The following EPHA6 variants were observed in gnomAD, a reference collection of about 807,000 sequenced individuals.
EPHA6 encodes ephrin type-A receptor 6.
A neutral mutation model predicts 112.0 loss-of-function variants in EPHA6; 50 were observed. That is an observed-to-expected ratio of 0.45 (90% CI 0.36 to 0.56). The LOEUF (loss-of-function observed/expected upper bound fraction) is 0.56, where lower values mean the gene tolerates loss of function less well. Among genes scored for constraint, EPHA6 ranks in the 20% least tolerant of loss-of-function variants. The probability of loss-of-function intolerance (pLI) is 0.00; values close to 1 mark genes in which losing one functional copy is unlikely to be tolerated. For missense variants in EPHA6, 1,280 were observed against 1,417.4 expected, an observed-to-expected ratio of 0.90 and a Z score of 1.56; for synonymous variants, 529 against 490.7, an observed-to-expected ratio of 1.08 and a Z score of -1.03.
intron 5 of EPHA6, among the ~76,000 whole-genome samples, chr3:97,322,731 A>G (rs2082179950): frequency 6.6e-6 from 1 of 152,042 alleles, no homozygotes; most frequent in African/African-American, 2.4e-5. Flanking sequence ...AAGTCACTGT[A>G]CTAAAATGCA....
At chr3:97,609,582 G>T (rs932143130) in intron 12 of EPHA6, among the ~76,000 whole-genome samples, 20 of 151,320 alleles carry the variant, frequency 1.3e-4, no homozygotes, top group African/African-American at 4.8e-4. Flanking sequence ...TGATAAATTG[G>T]GAGCTTTATT....
intron 3 of EPHA6, among the ~76,000 whole-genome samples, chr3:97,090,807 A>G (rs934532443): frequency 1.3e-5 from 2 of 152,098 alleles, no homozygotes; most frequent in Non-Finnish European, 2.9e-5. Flanking sequence ...GATTTCTAGA[A>G]ACTTAGAGAG....
At chr3:97,462,562 C>G (rs1448964415) in intron 7 of EPHA6, among the ~76,000 whole-genome samples, 2 of 152,032 alleles carry the variant, frequency 1.3e-5, no homozygotes, top group African/African-American at 4.8e-5. Context: ...CATGAATGTC[C>G]TTGCACAGAA....
intron 16 of EPHA6, 55 bp from the exon 17 acceptor site, chr3:97,747,368 C>T (rs374452906): frequency 7.2e-7 from 1 of 1,381,936 alleles, no homozygotes. Flanking sequence ...GTGATTTGTG[C>T]TTTATTTGGC....
chr3:97,323,973 A>G lies in EPHA6; in HGVS notation c.1606+79686A>G, dbSNP rs532355628. On this transcript the variant is annotated intron_variant, in intron 5 of 17. Transcript: ENST00000389672. ...TGTACTTAGTCTATGAATTGAAGCA[A>G]TTTTTCTCTTTAAAAAAAAAATGCA... 9.9e-5 allele frequency among the ~76,000 whole-genome samples: 15 copies of G among 151,918 alleles called. No homozygotes were observed. The South Asian group carries it at 3.1e-3, about 32-fold the overall frequency.
intron 12 of EPHA6, among the ~76,000 whole-genome samples, chr3:97,595,706 C>T (rs904669686): frequency 1.4e-5 from 2 of 147,940 alleles, no homozygotes; most frequent in African/African-American, 5.0e-5. Context: ...GGAGAGGAAG[C>T]GAAGGAGAAA....
At chr3:97,628,783 G>A (rs2093879309) in intron 13 of EPHA6, among the ~76,000 whole-genome samples, 1 of 151,890 alleles carries the variant, frequency 6.6e-6, no homozygotes, top group African/African-American at 2.4e-5. Flanking sequence ...TTAATAATGA[G>A]AGCTGTATTT....
At chr3:97,261,539 T>C (rs2079503472) in intron 5 of EPHA6, among the ~76,000 whole-genome samples, 1 of 152,208 alleles carries the variant, frequency 6.6e-6, no homozygotes, top group African/African-American at 2.4e-5. Flanking sequence ...TTGTCTCTCA[T>C]TTGTTTTTCT....
chr3:96,859,300 C>G (rs1037645747), intron 1 of EPHA6, among the ~76,000 whole-genome samples: 4 of 151,256 alleles, frequency 2.6e-5, no homozygotes, highest in African/African-American at 9.8e-5. Flanking sequence ...TATGGCAGCA[C>G]AATTAAAATT....
In EPHA6 at chr3:96,872,139, T is replaced by C. The variant is rs986552579; in HGVS notation, c.450+5250T>C. ...GAACAGCCTCCTGCACAAAATCTTA[T>C]GTGATAGCTGAGCATATTTGAAGAT... On this transcript the variant is annotated intron_variant, in intron 2 of 17. Transcript: ENST00000389672. 2.6e-5 allele frequency among the ~76,000 whole-genome samples: 4 copies of C among 152,134 alleles called. No homozygotes were observed. The East Asian group carries it at 5.8e-4, about 22-fold the overall frequency.
At chr3:97,406,098 C>T (rs984557199) in intron 6 of EPHA6, among the ~76,000 whole-genome samples, 2 of 152,126 alleles carry the variant, frequency 1.3e-5, no homozygotes, top group African/African-American at 4.8e-5. Context: ...TGGTATATTA[C>T]AATGAGAAGG....
intron 14 of EPHA6, among the ~76,000 whole-genome samples, chr3:97,647,629 T>C (rs1350370418): frequency 6.6e-6 from 1 of 152,142 alleles, no homozygotes; most frequent in East Asian, 1.9e-4. Context: ...CATATATAAT[T>C]AGTGTTATGT....
chr3:97,598,131 A>G (rs1211185182), intron 12 of EPHA6, among the ~76,000 whole-genome samples: 1 of 151,482 alleles, frequency 6.6e-6, no homozygotes, highest in East Asian at 1.9e-4. Context: ...ACCCATTTTT[A>G]TTTTTTATTT....
intron 4 of EPHA6, among the ~76,000 whole-genome samples, chr3:97,228,529 G>T (rs2078427184): frequency 6.7e-6 from 1 of 148,932 alleles, no homozygotes; most frequent in Non-Finnish European, 1.5e-5. Flanking sequence ...TATGGTGTGT[G>T]TGTGTGTGTG....
chr3:97,498,112 G>A (rs1346956615), intron 10 of EPHA6, among the ~76,000 whole-genome samples: 1 of 152,026 alleles, frequency 6.6e-6, no homozygotes, highest in Admixed American at 6.6e-5. Flanking sequence ...ATGAAAATCT[G>A]GTCTATGTTC....
chr3:97,393,460 GAC>G (rs1218147249), intron 5 of EPHA6, among the ~76,000 whole-genome samples: 1 of 151,764 alleles, frequency 6.6e-6, no homozygotes, highest in Non-Finnish European at 1.5e-5. Context: ...AAATTAAAAA[GAC>G]ACAGATTATC....
At chr3:97,512,078 C>A (rs2092374264) in intron 10 of EPHA6, among the ~76,000 whole-genome samples, 1 of 152,050 alleles carries the variant, frequency 6.6e-6, no homozygotes, top group Admixed American at 6.5e-5. Context: ...TTGTGACAAA[C>A]AAACTGAGAT....
chr3:96,868,282 ATTTT>A (rs1019170774), intron 2 of EPHA6, among the ~76,000 whole-genome samples: 1 of 151,410 alleles, frequency 6.6e-6, no homozygotes, highest in East Asian at 1.9e-4. Flanking sequence ...CAATTTATTT[ATTTT>A]TTCTTTTTTA....
At chr3:96,930,923 C>T (rs892081527) in intron 2 of EPHA6, among the ~76,000 whole-genome samples, 9 of 120,736 alleles carry the variant, frequency 7.5e-5, no homozygotes, top group East Asian at 2.7e-4. Context: ...ACCTGGGAGG[C>T]GGAGGTTGTG....
Sources: allele counts gnomAD v4.1 joint callset (sites outside exome capture counted in the v4.1 genomes callset), GRCh38; gene constraint gnomAD v4.1.1; transcripts MANE v1.5; gene names NCBI Gene and HGNC (gene_info 2026-07-23, HGNC 2026-07-21).